NEO1: variants seen among roughly 807,000 people sequenced by gnomAD.
The protein encoded by NEO1 is neogenin.
NEO1 carries 63 observed loss-of-function variants against 159.7 expected under a neutral mutation model. That is an observed-to-expected ratio of 0.39 (90% CI 0.32 to 0.49). NEO1 has a LOEUF of 0.49. Ranked by LOEUF, NEO1 falls within the 20% of genes least tolerant of loss-of-function variation. The pLI is 0.85. For missense variants in NEO1, 1,615 were observed against 1,831.0 expected, an observed-to-expected ratio of 0.88 and a Z score of 2.15; for synonymous variants, 633 against 662.0, an observed-to-expected ratio of 0.96 and a Z score of 0.67.
chr15:73,276,525 AAGG>A (rs2041434200), intron 21 of NEO1, among the ~76,000 whole-genome samples: 1 of 152,212 alleles, frequency 6.6e-6, no homozygotes, highest in Admixed American at 6.5e-5. Flanking sequence ...CATCAGAAGT[AAGG>A]AGATAAAGTA....
chr15:73,265,268 G>A (rs906395374), intron 15 of NEO1, among the ~76,000 whole-genome samples: 1 of 152,188 alleles, frequency 6.6e-6, no homozygotes, highest in Non-Finnish European at 1.5e-5. Context: ...TTTCTGGCTT[G>A]AGCAGCAGGG....
chr15:73,166,102 C>T (rs1299638440), intron 5 of NEO1, among the ~76,000 whole-genome samples: 4 of 152,156 alleles, frequency 2.6e-5, no homozygotes, highest in South Asian at 4.1e-4. Flanking sequence ...TGAGGACCCA[C>T]CCTAACTGCC....
intron 3 of NEO1, among the ~76,000 whole-genome samples, chr15:73,125,251 G>C (rs1026535818): frequency 2.0e-5 from 3 of 152,162 alleles, no homozygotes; most frequent in African/African-American, 7.2e-5. Flanking sequence ...ACATTGTTTT[G>C]GGTTGTACTG....
chr15:73,234,734 A>G (rs894017550), intron 7 of NEO1, among the ~76,000 whole-genome samples: 1 of 152,092 alleles, frequency 6.6e-6, no homozygotes, highest in Non-Finnish European at 1.5e-5. Flanking sequence ...CCAAGGGAGG[A>G]GAAAAAAAAA....
intron 8 of NEO1, among the ~76,000 whole-genome samples, chr15:73,239,164 A>G (rs567627282): frequency 3.3e-5 from 5 of 152,250 alleles, no homozygotes; most frequent in Non-Finnish European, 4.4e-5. Flanking sequence ...TTTTTCATCT[A>G]TAAAGCTGGC....
intron 7 of NEO1, among the ~76,000 whole-genome samples, chr15:73,207,391 A>G (rs138854876): frequency 1.1e-3 from 163 of 152,288 alleles, no homozygotes; most frequent in African/African-American, 3.7e-3. Context: ...AGCAAACTCA[A>G]TTAACCTCAG....
intron 7 of NEO1, among the ~76,000 whole-genome samples, chr15:73,209,048 T>C (rs2152080343): frequency 6.6e-6 from 1 of 152,368 alleles, no homozygotes; most frequent in East Asian, 1.9e-4. Context: ...GGATGCTAAT[T>C]CTGAATCATC....
chr15:73,261,866 C>T (rs538800737), intron 15 of NEO1, among the ~76,000 whole-genome samples: 7 of 152,062 alleles, frequency 4.6e-5, no homozygotes, highest in Non-Finnish European at 1.0e-4. Context: ...AAGACCCATA[C>T]TAGCTGATTT....
chr15:73,249,745 G>C, intron 11 of NEO1, 24 bp downstream of exon 11: 1 of 1,595,648 alleles, frequency 6.3e-7, no homozygotes, highest in Non-Finnish European at 8.5e-7. Context: ...CCTCTGGAAC[G>C]ATATACCACA....
intron 1 of NEO1, among the ~76,000 whole-genome samples, chr15:73,074,319 G>GT (rs938538487): frequency 6.6e-6 from 1 of 152,158 alleles, no homozygotes; most frequent in Non-Finnish European, 1.5e-5. Flanking sequence ...TCAGAGGCCA[G>GT]TTATCTAGTT....
chr15:73,119,213 T>C (rs749747746), intron 2 of NEO1, among the ~76,000 whole-genome samples: 5 of 152,188 alleles, frequency 3.3e-5, no homozygotes, highest in Non-Finnish European at 5.9e-5. Context: ...ACAACTTTGT[T>C]CATATACTAA....
At chr15:73,061,991 T>C (rs1019235851) in intron 1 of NEO1, among the ~76,000 whole-genome samples, 5 of 152,242 alleles carry the variant, frequency 3.3e-5, no homozygotes, top group Admixed American at 2.6e-4. Context: ...TGAACCCACG[T>C]TTATAAATGT....
At chr15:73,090,796 T>C (rs145806089) in intron 1 of NEO1, among the ~76,000 whole-genome samples, 202 of 152,352 alleles carry the variant, frequency 1.3e-3, no homozygotes, top group Non-Finnish European at 2.4e-3. Context: ...TACATCGTTA[T>C]AATCAGAGCA....
chr15:73,267,391 T>C (rs1304375032), intron 16 of NEO1, among the ~76,000 whole-genome samples: 1 of 152,138 alleles, frequency 6.6e-6, no homozygotes, highest in Non-Finnish European at 1.5e-5. Flanking sequence ...TAAATTTTTT[T>C]TCTTTTTTTT....
intron 7 of NEO1, among the ~76,000 whole-genome samples, chr15:73,220,958 A>T (rs1047141161): frequency 6.6e-6 from 1 of 152,002 alleles, no homozygotes; most frequent in Non-Finnish European, 1.5e-5. Flanking sequence ...GCTTTGTTCC[A>T]TTGCTGGTGA....
intron 3 of NEO1, among the ~76,000 whole-genome samples, chr15:73,124,187 G>A (rs1050178934): frequency 2.0e-5 from 3 of 151,900 alleles, no homozygotes; most frequent in Non-Finnish European, 2.9e-5. Context: ...CTCAGCCTAC[G>A]AGTAGCTGGG....
intron 7 of NEO1, among the ~76,000 whole-genome samples, chr15:73,219,873 A>T (rs2038132326): frequency 1.3e-5 from 2 of 150,536 alleles, no homozygotes; most frequent in South Asian, 4.3e-4. Context: ...TTGACTCTTT[A>T]TCCAATTTGC....
chr15:73,242,563 T>C (rs1454500719), intron 8 of NEO1, among the ~76,000 whole-genome samples: 10 of 152,030 alleles, frequency 6.6e-5, no homozygotes, highest in African/African-American at 2.4e-4. Flanking sequence ...AGCTACGTAC[T>C]GGAGGCCAGG....
intron 1 of NEO1, among the ~76,000 whole-genome samples, chr15:73,058,974 G>A (rs1458695214): frequency 6.6e-6 from 1 of 151,924 alleles, no homozygotes; most frequent in Non-Finnish European, 1.5e-5. Flanking sequence ...TTTTTGTAGT[G>A]CAAAGTAGGA....
Sources: gnomAD v4.1 joint callset for allele counts (sites outside exome capture counted in the v4.1 genomes callset) on GRCh38, gnomAD v4.1.1 for gene constraint, MANE v1.5 for transcripts, NCBI Gene and HGNC (gene_info 2026-07-23, HGNC 2026-07-21) for gene names.